The following ATP2A2 variants were observed in gnomAD, a reference collection of about 807,000 sequenced individuals.
ATP2A2 encodes the protein sarcoplasmic/endoplasmic reticulum calcium ATPase 2.
A neutral mutation model predicts 109.3 loss-of-function variants in ATP2A2; 14 were observed. The ratio of observed to expected loss-of-function variants is 0.13; its 90% CI spans 0.08 to 0.20. The LOEUF is 0.20. ATP2A2 is among the 10% of genes least tolerant of loss of function. The pLI is 1.00. For synonymous variants in ATP2A2, 506 were observed against 490.9 expected (o/e 1.03, Z -0.41); for missense variants, 657 against 1,321.6 (o/e 0.50, Z 7.80).
Position 110,347,449 on chromosome 12 carries a change from G to C in ATP2A2, c.*979G>C. ...TTGAGGGGAAGAAGGCTCCTGCTCT[G>C]CTGTGTAGGTAGTCATAGGAATTGT... On this transcript the variant is annotated 3_prime_UTR_variant, in exon 20 of 20. Transcript: ENST00000539276. 7.8e-7 allele frequency: 1 copy of C among 1,289,050 alleles called. No homozygotes were observed. Among genetic ancestry groups the C allele is most frequent in the Non-Finnish European group, 1.0e-6 (1 of 988,680 alleles). 79.9% of individuals were successfully genotyped at this position (1,289,050 alleles called of 1,614,324 possible). A position where few individuals can be genotyped will look rare whatever the true frequency, so the allele number is the denominator to read the frequency against.
intron 3 of ATP2A2, among the ~76,000 whole-genome samples, chr12:110,287,117 G>C (rs1277595779): frequency 6.6e-6 from 1 of 152,132 alleles, no homozygotes; most frequent in Non-Finnish European, 1.5e-5. Flanking sequence ...GCCAGGCGTG[G>C]TGGTGGGTCC....
chr12:110,333,065 G>A, intron 9 of ATP2A2, 116 bp from the exon 10 acceptor site: 3 of 941,024 alleles, frequency 3.2e-6, no homozygotes, highest in South Asian at 1.3e-5. Context: ...ATTTTTTCCA[G>A]TATGTTGTCC....
Position 110,347,334 on chromosome 12 carries a change from G to T in ATP2A2, c.*864G>T. 1 of 1,286,096 alleles carries T rather than the reference G, an allele frequency of 7.8e-7. No homozygotes were observed. Among genetic ancestry groups the T allele is most frequent in the Non-Finnish European group, 1.0e-6 (1 of 986,438 alleles). The allele number at this position is 1,286,096 out of a possible 1,614,324, so 79.7% of individuals were successfully genotyped here. On this transcript the variant is annotated 3_prime_UTR_variant, in exon 20 of 20. Coordinates refer to ENST00000539276, the MANE Select transcript of ATP2A2 (RefSeq NM_170665.4). Reference sequence around the variant, plus strand: ...ATGGACAGAGAAAAATAACTGTCTTGTCTTTAACTCGTAAGTGGCTTACCT... The same window carrying T: ...ATGGACAGAGAAAAATAACTGTCTTTTCTTTAACTCGTAAGTGGCTTACCT...
chr12:110,305,412 A>G (rs1875177317), intron 5 of ATP2A2, among the ~76,000 whole-genome samples: 1 of 152,148 alleles, frequency 6.6e-6, no homozygotes, highest in African/African-American at 2.4e-5. Flanking sequence ...CTCTTTAAAA[A>G]CAGCAACAAC....
intron 5 of ATP2A2, among the ~76,000 whole-genome samples, chr12:110,301,162 T>C (rs76474176): frequency 6.6e-6 from 1 of 152,318 alleles, no homozygotes; most frequent in East Asian, 1.9e-4. Flanking sequence ...GCCACTGTGC[T>C]CTGCCTTGTT....
At chr12:110,281,944 G>T (rs1400388762) in intron 1 of ATP2A2, 37 bp downstream of exon 1, 2 of 1,511,018 alleles carry the variant, frequency 1.3e-6, no homozygotes, top group African/African-American at 1.4e-5. Context: ...GGCCCGGCGC[G>T]GCCGGGAGAG....
chr12:110,349,589 C>T lies in ATP2A2; in HGVS notation c.*3119C>T. 1 of 986,592 alleles carries T rather than the reference C, an allele frequency of 1.0e-6. No homozygotes were observed. The allele number at this position is 986,592 out of a possible 1,614,324, so 61.1% of individuals were successfully genotyped here. A position where few individuals can be genotyped will look rare whatever the true frequency, so the allele number is the denominator to read the frequency against. ...ACTTCCCTCACAACAGCTGCTCCCA[C>T]ATCCCCTCGGACTGGAGCTTCAGCC... On this transcript the variant is annotated 3_prime_UTR_variant, in exon 20 of 20. Coordinates refer to ENST00000539276, the MANE Select transcript of ATP2A2 (RefSeq NM_170665.4).
rs398021049 is a variant in ATP2A2 at position 110,293,870 on chromosome 12, A to AT, written c.324+1771dup. On this transcript the variant is annotated intron_variant, in intron 4 of 19. Transcript: ENST00000539276. ...TGTGTGTGTGTGTGTGTGTGTATAT[A>AT]TTTTTTTTTTTTTTTTTTTTTTTTT... 6.0e-3 allele frequency among the ~76,000 whole-genome samples: 441 copies of AT among 73,302 alleles called. 31 individuals are homozygous for AT. Among genetic ancestry groups the AT allele is most frequent in the East Asian group, 8.3e-3 (18 of 2,168 alleles). 48.1% of individuals were successfully genotyped at this position (73,302 alleles called of 152,430 possible).
chr12:110,321,721 T>C (rs1877266920), intron 5 of ATP2A2, among the ~76,000 whole-genome samples: 1 of 151,956 alleles, frequency 6.6e-6, no homozygotes, highest in African/African-American at 2.4e-5. Flanking sequence ...CGGACAGCTG[T>C]TTTAATGTCC....
chr12:110,318,795 A>G (rs1876937572), intron 5 of ATP2A2, among the ~76,000 whole-genome samples: 1 of 152,164 alleles, frequency 6.6e-6, no homozygotes, highest in Admixed American at 6.6e-5. Context: ...TTTTGGATTT[A>G]TGTTTCTTCA....
chr12:110,307,222 C>CCT (rs1555279254), intron 5 of ATP2A2, among the ~76,000 whole-genome samples: 1 of 126,728 alleles, frequency 7.9e-6, no homozygotes. Flanking sequence ...GCCCCACCAC[C>CCT]TTTTTTTTTT....
intron 18 of ATP2A2, 33 bp from the exon 19 acceptor site, chr12:110,345,968 G>T: frequency 1.2e-6 from 2 of 1,603,530 alleles, no homozygotes; most frequent in Non-Finnish European, 1.7e-6. Flanking sequence ...CTTGCCTTGG[G>T]GGTGCGTTTC....
At chr12:110,288,489 C>T (rs531659229) in intron 3 of ATP2A2, among the ~76,000 whole-genome samples, 1 of 151,978 alleles carries the variant, frequency 6.6e-6, no homozygotes, top group African/African-American at 2.4e-5. Context: ...GCTGTAACCT[C>T]TGCCTCCCGG....
chr12:110,302,960 G>A (rs975309827), intron 5 of ATP2A2, among the ~76,000 whole-genome samples: 5 of 152,252 alleles, frequency 3.3e-5, no homozygotes, highest in South Asian at 4.1e-4. Flanking sequence ...GCTTGCTTTC[G>A]TCTTAAATTG....
At chr12:110,306,644 T>C (rs1875367077) in intron 5 of ATP2A2, among the ~76,000 whole-genome samples, 1 of 152,226 alleles carries the variant, frequency 6.6e-6, no homozygotes, top group Admixed American at 6.5e-5. Flanking sequence ...TCACTTAGGA[T>C]AATAGTCTCT....
At chr12:110,295,768 T>G (rs1246223754) in intron 4 of ATP2A2, among the ~76,000 whole-genome samples, 1 of 152,218 alleles carries the variant, frequency 6.6e-6, no homozygotes, top group Non-Finnish European at 1.5e-5. Flanking sequence ...TTCTAACGGT[T>G]GATAGTTCAT....
chr12:110,327,475 C>T lies in ATP2A2; in HGVS notation c.631-78C>T. 1 of 1,353,882 alleles carries T rather than the reference C, an allele frequency of 7.4e-7. No individual in the cohort carries two copies. The highest frequency in any genetic ancestry group is 1.1e-6 in the Non-Finnish European group (1 of 943,614). The allele number at this position is 1,353,882 out of a possible 1,614,324, so 83.9% of individuals were successfully genotyped here. A position where few individuals can be genotyped will look rare whatever the true frequency, so the allele number is the denominator to read the frequency against. Reference sequence around the variant, plus strand: ...TAGAATGTGTAGAGAATCTGGGTGCCCTAGTCAAAAACCAGCGTCGGTATT... The same window carrying T: ...TAGAATGTGTAGAGAATCTGGGTGCTCTAGTCAAAAACCAGCGTCGGTATT... On this transcript the variant is annotated intron_variant, in intron 7 of 19. Coordinates refer to ENST00000539276, the MANE Select transcript of ATP2A2 (RefSeq NM_170665.4). This position sits in a 1 kb window ranked among gnomAD's most constrained non-coding sequence, Gnocchi z 4.4.
chr12:110,348,174 A>G lies in ATP2A2; in HGVS notation c.*1704A>G. 5 of 985,368 alleles carry G rather than the reference A, an allele frequency of 5.1e-6. No individual in the cohort carries two copies. The highest frequency in any genetic ancestry group is 6.0e-6 in the Non-Finnish European group (5 of 829,858). The allele number at this position is 985,368 out of a possible 1,614,324, so 61.0% of individuals were successfully genotyped here. ...CCCAGAACATTGCTACTTATTTATT[A>G]AAAAGCTAAAAACTAGTGAAAGCAA... On this transcript the variant is annotated 3_prime_UTR_variant, in exon 20 of 20. Transcript: ENST00000539276.
chr12:110,314,336 GAAA>G (rs398055936), intron 5 of ATP2A2, among the ~76,000 whole-genome samples: 2 of 122,570 alleles, frequency 1.6e-5, no homozygotes, highest in Non-Finnish European at 3.6e-5. Context: ...CTCAAAAAAA[GAAA>G]AAAAAAAAAA....
Sources: allele counts gnomAD v4.1 joint callset (sites outside exome capture counted in the v4.1 genomes callset), GRCh38; gene constraint gnomAD v4.1.1; non-coding constraint Gnocchi (gnomAD v3.1); transcripts MANE v1.5; gene names NCBI Gene and HGNC (gene_info 2026-07-23, HGNC 2026-07-21).